Variants in NCOA5 observed in about 807,000 individuals in gnomAD.
NCOA5 encodes the protein NCoA-5.
Under a neutral mutation model 59.0 loss-of-function variants are expected in NCOA5, and 12 were observed. That is an observed-to-expected ratio of 0.20 (90% CI 0.13 to 0.33). The LOEUF (loss-of-function observed/expected upper bound fraction) is 0.33. Among genes scored for constraint, NCOA5 ranks in the 10% least tolerant of loss-of-function variants. NCOA5 has a pLI of 1.00. For missense variants in NCOA5, 655 were observed against 766.6 expected (o/e 0.85, Z 1.72); for synonymous variants, 270 against 275.5 (o/e 0.98, Z 0.20).
intron 1 of NCOA5, among the ~76,000 whole-genome samples, chr20:46,088,249 A>C (rs1197760916): frequency 6.6e-6 from 1 of 152,234 alleles, no homozygotes; most frequent in Non-Finnish European, 1.5e-5. Flanking sequence ...GAGCCTTGCA[A>C]TATGGATTCG....
chr20:46,075,593 T>C (rs952267592), intron 2 of NCOA5, among the ~76,000 whole-genome samples: 1 of 152,156 alleles, frequency 6.6e-6, no homozygotes, highest in African/African-American at 2.4e-5. Flanking sequence ...GTTAATTCTA[T>C]TTGTTCTTCT....
chr20:46,067,099 T>C lies in NCOA5; in HGVS notation c.585A>G (p.Glu195=). ...CAATCACAGAACAATCAACGGGCCT[T>C]TCGGCATCAAAGCGTCTCTGGATTT... ...FEEIQRRFDA[E]RPVDCSVIVV... The change falls in exon 5 of 8, where the codon GAA becomes GAG. Residue 195 remains glutamate, a synonymous_variant. Transcript: ENST00000290231. The C allele has an allele frequency of 6.2e-7, 1 of 1,614,192 alleles. No individual in the cohort carries two copies.
At chr20:46,069,913 T>C (rs1309579316) in intron 3 of NCOA5, among the ~76,000 whole-genome samples, 1 of 152,218 alleles carries the variant, frequency 6.6e-6, no homozygotes, top group Non-Finnish European at 1.5e-5. Context: ...TGTTTAACTT[T>C]TTAAGGAACT....
chr20:46,064,448 C>T (rs953918904), intron 6 of NCOA5, among the ~76,000 whole-genome samples: 3 of 152,226 alleles, frequency 2.0e-5, no homozygotes, highest in Admixed American at 6.5e-5. Context: ...AGGAGGACTT[C>T]GAGAACTGGG....
intron 2 of NCOA5, among the ~76,000 whole-genome samples, chr20:46,078,183 C>G (rs1412372028): frequency 9.9e-6 from 1 of 100,776 alleles, no homozygotes; most frequent in Admixed American, 1.0e-4. Context: ...AGCAGCATTA[C>G]TTGCCCTTAG....
intron 2 of NCOA5, among the ~76,000 whole-genome samples, chr20:46,075,498 T>C (rs956700455): frequency 2.8e-4 from 42 of 152,210 alleles, no homozygotes; most frequent in African/African-American, 1.0e-3. Context: ...CGATACCCAA[T>C]GACTTTCACC....
rs2084765765 is a variant in NCOA5 at position 46,061,721 on chromosome 20, T to C, written c.*579A>G. 1 of 152,370 alleles carries C rather than the reference T, an allele frequency of 6.6e-6. No homozygotes were observed. Among genetic ancestry groups the C allele is most frequent in the African/African-American group, 2.4e-5 (1 of 41,442 alleles). The allele number at this position is 152,370 out of a possible 1,614,324, so 9.4% of individuals were successfully genotyped here. On this transcript the variant is annotated 3_prime_UTR_variant, in exon 8 of 8. Transcript: ENST00000290231. The stretch of plus-strand genomic sequence containing the variant: ...TCAGAGAGAAAAATTCTTTTTTCTG[T>C]GGCTGCCATGGCCATTCCTCAACAA...
chr20:46,070,604 A>G (rs567096913), intron 2 of NCOA5, 68 bp from the exon 3 acceptor site: 2 of 1,463,242 alleles, frequency 1.4e-6, no homozygotes, highest in Non-Finnish European at 9.4e-7. Flanking sequence ...AGCTCTTCAT[A>G]TGAGAAAACC....
At chr20:46,082,498 T>C (rs1386214824) in intron 1 of NCOA5, among the ~76,000 whole-genome samples, 2 of 152,190 alleles carry the variant, frequency 1.3e-5, no homozygotes, top group Non-Finnish European at 1.5e-5. Flanking sequence ...CTCCTCTGAA[T>C]AGAAAAGGGA....
At position 46,066,552 on chromosome 20, in the gene NCOA5, G is replaced by C. The variant is rs2425750; in HGVS notation, c.629+503C>G. Among the ~76,000 whole-genome samples the C allele has an allele frequency of 8.2e-3, 1,241 of 152,250 alleles. 23 individuals are homozygous for C. The highest frequency in any genetic ancestry group is 0.028 in the African/African-American group (1,165 of 41,530). On this transcript the variant is annotated intron_variant, in intron 5 of 7. Coordinates refer to ENST00000290231, the MANE Select transcript of NCOA5 (RefSeq NM_020967.3). ...AACATGACTTAGCCCTGGCCAATCAGAACACCCAGCACCCCTGCCAAAGTG... is the reference window on the plus strand; with the variant it reads ...AACATGACTTAGCCCTGGCCAATCACAACACCCAGCACCCCTGCCAAAGTG...
intron 3 of NCOA5, among the ~76,000 whole-genome samples, chr20:46,069,194 C>A (rs111968597): frequency 3.9e-5 from 6 of 152,140 alleles, no homozygotes; most frequent in Admixed American, 2.6e-4. Context: ...TTTTTCATCA[C>A]CTCAAACATA....
intron 2 of NCOA5, among the ~76,000 whole-genome samples, chr20:46,073,911 C>T (rs112669547): frequency 0.026 from 3,898 of 152,266 alleles, 54 homozygotes; most frequent in Middle Eastern, 0.051. Context: ...CCACCCTTTC[C>T]CTCAAATAAT....
At position 46,062,062 on chromosome 20, in the gene NCOA5, G is replaced by A. The variant is rs902322524; in HGVS notation, c.*238C>T. 2.1e-5 allele frequency: 9 copies of A among 418,634 alleles called. No individual in the cohort carries two copies. The highest frequency in any genetic ancestry group is 1.2e-4 in the African/African-American group (6 of 50,736). 25.9% of individuals were successfully genotyped at this position (418,634 alleles called of 1,614,324 possible). A position where few individuals can be genotyped will look rare whatever the true frequency, so the allele number is the denominator to read the frequency against. On this transcript the variant is annotated 3_prime_UTR_variant, in exon 8 of 8. Coordinates refer to ENST00000290231, the MANE Select transcript of NCOA5 (RefSeq NM_020967.3). ...CCCAGACACCTGTACTGCCCCCGGA[G>A]ATATTTATTTTCTACAAAACAAAAA... is the stretch of plus-strand genomic sequence containing the variant.
chr20:46,077,352 T>C (rs1026131138), intron 2 of NCOA5, among the ~76,000 whole-genome samples: 9 of 152,348 alleles, frequency 5.9e-5, no homozygotes, highest in African/African-American at 1.9e-4. Context: ...CGGCTATTAC[T>C]GGGTTTCAAC....
intron 5 of NCOA5, 67 bp from the exon 6 acceptor site, chr20:46,065,295 T>C: frequency 1.3e-6 from 2 of 1,502,234 alleles, no homozygotes; most frequent in South Asian, 2.3e-5. Flanking sequence ...CTCAAGCCAG[T>C]TGTGTGTGTT....
intron 2 of NCOA5, among the ~76,000 whole-genome samples, chr20:46,076,861 G>A (rs1363343009): frequency 6.6e-6 from 1 of 152,152 alleles, no homozygotes; most frequent in African/African-American, 2.4e-5. Context: ...TTCTGAGGAA[G>A]GTGATATTTT....
intron 1 of NCOA5, among the ~76,000 whole-genome samples, chr20:46,087,573 C>T (rs1164039324): frequency 6.6e-6 from 1 of 152,126 alleles, no homozygotes; most frequent in Non-Finnish European, 1.5e-5. Flanking sequence ...GCCTGACCAA[C>T]ATGGAGAAAC....
intron 2 of NCOA5, among the ~76,000 whole-genome samples, chr20:46,077,276 T>C (rs1482811957): frequency 6.6e-6 from 1 of 152,070 alleles, no homozygotes; most frequent in African/African-American, 2.4e-5. Context: ...GACTATTATT[T>C]AAAAAAAGCA....
At chr20:46,074,517 C>T (rs1179774319) in intron 2 of NCOA5, among the ~76,000 whole-genome samples, 1 of 152,118 alleles carries the variant, frequency 6.6e-6, no homozygotes, top group Non-Finnish European at 1.5e-5. Flanking sequence ...AGGTGGCAAA[C>T]ACAACTAAAA....
Sources: allele counts gnomAD v4.1 joint callset (sites outside exome capture counted in the v4.1 genomes callset), GRCh38; gene constraint gnomAD v4.1.1; transcripts MANE v1.5; gene names NCBI Gene and HGNC (gene_info 2026-07-23, HGNC 2026-07-21).